The following STAU1 variants were observed in gnomAD, a reference collection of about 807,000 sequenced individuals.
STAU1 encodes the protein double-stranded RNA-binding protein Staufen homolog 1.
STAU1 carries 13 observed loss-of-function variants against 62.9 expected under a neutral mutation model. That is an observed-to-expected ratio of 0.21 (90% CI 0.13 to 0.33). The LOEUF is 0.33. Among genes scored for constraint, STAU1 ranks in the 10% least tolerant of loss-of-function variants. The pLI, the probability that STAU1 is intolerant of heterozygous loss-of-function variation, is 1.00. For synonymous variants in STAU1, 269 were observed against 265.1 expected (o/e 1.01, Z -0.14); for missense variants, 571 against 712.1 (o/e 0.80, Z 2.25).
At chr20:49,176,395 C>T (rs541610043) in intron 1 of STAU1, among the ~76,000 whole-genome samples, 2 of 152,056 alleles carry the variant, frequency 1.3e-5, no homozygotes, top group African/African-American at 4.8e-5. Flanking sequence ...TCAAATTCTG[C>T]GGTCTGATTT....
rs150575561 is a variant in STAU1 at position 49,123,877 on chromosome 20, C to T, written c.822+498G>A. Among the ~76,000 whole-genome samples the T allele has an allele frequency of 2.4e-3, 368 of 152,264 alleles. 3 individuals carry two copies. The highest frequency in any genetic ancestry group is 8.4e-3 in the African/African-American group (349 of 41,546). ...ACAAAGTTCCCCATGGAATTATGTC[C>T]CCTTTCTGGGGTTGGGGAAGGGGTC... On this transcript the variant is annotated intron_variant, in intron 7 of 13. Transcript: ENST00000371856.
chr20:49,127,698 T>A (rs960016575), intron 6 of STAU1, among the ~76,000 whole-genome samples: 1 of 150,028 alleles, frequency 6.7e-6, no homozygotes, highest in African/African-American at 2.5e-5. Context: ...AGAGCAAGAC[T>A]TTGTCTAAAA....
At chr20:49,145,152 G>A (rs550684828) in intron 5 of STAU1, among the ~76,000 whole-genome samples, 15 of 152,178 alleles carry the variant, frequency 9.9e-5, no homozygotes, top group Non-Finnish European at 2.1e-4. Flanking sequence ...CTGGCTGGGC[G>A]TGGTGGCTCA....
At chr20:49,209,768 G>A in the STAU1 span, among the ~76,000 whole-genome samples, 1 of 151,478 alleles carries the variant, frequency 6.6e-6, no homozygotes, top group African/African-American at 2.4e-5. Context: ...ATGATAATTG[G>A]CCAGGTGTGG....
chr20:49,130,788 A>G (rs2092731870), intron 6 of STAU1, among the ~76,000 whole-genome samples: 1 of 152,174 alleles, frequency 6.6e-6, no homozygotes. Flanking sequence ...CTGTAATCCC[A>G]GCACTCTGGG....
chr20:49,139,970 G>A lies in STAU1; in HGVS notation c.511-4039C>T, dbSNP rs2092971333. On this transcript the variant is annotated intron_variant, in intron 5 of 13. Coordinates refer to ENST00000371856, the MANE Select transcript of STAU1 (RefSeq NM_017453.4). ...GGAGGCCGAGGCAGGCGGATCACCT[G>A]AGGTCAGGAGTTCGAGACCAGCCTG... 2.6e-5 allele frequency among the ~76,000 whole-genome samples: 4 copies of A among 152,102 alleles called. No homozygotes were observed. The South Asian group carries it at 6.2e-4, about 24-fold the overall frequency.
chr20:49,174,946 A>AC (rs1406256651), intron 1 of STAU1, among the ~76,000 whole-genome samples: 1 of 150,648 alleles, frequency 6.6e-6, no homozygotes, highest in Non-Finnish European at 1.5e-5. Context: ...AAAAAAAAAA[A>AC]AAAAGAGATT....
chr20:49,204,642 A>ATTT, the STAU1 span, among the ~76,000 whole-genome samples: 1 of 50,576 alleles, frequency 2.0e-5, no homozygotes, highest in African/African-American at 8.7e-5. Flanking sequence ...ATATATATAT[A>ATTT]TATATTTTTT....
At position 49,115,825 on chromosome 20, in the gene STAU1, G is replaced by C. The variant is rs767952812; in HGVS notation, c.1675C>G (p.Gln559Glu). Reference protein sequence around the residue: ...ILKLLSELDQQSTEMPRTGNG... With the variant: ...ILKLLSELDQESTEMPRTGNG... ...CCTGTTCTTGGCATCTCTGTACTTT[G>C]TTGGTCCAACTCAGACAGCAACTTT... The change falls in exon 13 of 14, where the codon CAA becomes GAA. Residue 559 changes from glutamine to glutamate, a missense_variant. Around this residue, in one of 3 missense-constraint regions of STAU1, gnomAD observed 156 missense variants for 194.7 expected, o/e 0.80. Coordinates refer to ENST00000371856, the MANE Select transcript of STAU1 (RefSeq NM_017453.4). 2.5e-6 allele frequency: 4 copies of C among 1,614,070 alleles called. No individual in the cohort carries two copies. The highest frequency in any genetic ancestry group is 1.6e-4 in the Middle Eastern group (1 of 6,062).
At chr20:49,200,549 C>T in the STAU1 span, among the ~76,000 whole-genome samples, 5 of 151,344 alleles carry the variant, frequency 3.3e-5, no homozygotes, top group South Asian at 8.4e-4. Context: ...TGCAGTGAGC[C>T]GAGATCGCAC....
At chr20:49,171,127 A>ATTTCT (rs2093591698) in intron 2 of STAU1, among the ~76,000 whole-genome samples, 1 of 152,248 alleles carries the variant, frequency 6.6e-6, no homozygotes, top group African/African-American at 2.4e-5. Flanking sequence ...AATCACATGT[A>ATTTCT]AATCTATTAT....
At position 49,149,437 on chromosome 20, in the gene STAU1, ATTTTT is replaced by A. The variant is rs569951313; in HGVS notation, c.510+2140_510+2144del. Reference sequence around the variant, plus strand: ...AATCCCGGGGTTGGGCCTAGAATTTATTTTTTTAACTTCTCAAGTGATTGTGATGC... The same window carrying A: ...AATCCCGGGGTTGGGCCTAGAATTTATTAACTTCTCAAGTGATTGTGATGC... On this transcript the variant is annotated intron_variant, in intron 5 of 13. Transcript: ENST00000371856. Among the ~76,000 whole-genome samples the A allele has an allele frequency of 1.9e-3, 291 of 152,210 alleles. 1 individual carries two copies. Among genetic ancestry groups the A allele is most frequent in the African/African-American group, 6.8e-3 (283 of 41,528 alleles).
At chr20:49,148,160 C>T (rs1430859758) in intron 5 of STAU1, among the ~76,000 whole-genome samples, 1 of 152,192 alleles carries the variant, frequency 6.6e-6, no homozygotes, top group Non-Finnish European at 1.5e-5. Context: ...AAGTGTTTCA[C>T]TTATTGCAGG....
chr20:49,181,599 T>C (rs1305658458), intron 1 of STAU1, among the ~76,000 whole-genome samples: 1 of 151,896 alleles, frequency 6.6e-6, no homozygotes, highest in Admixed American at 6.6e-5. Flanking sequence ...ACCCCATCTC[T>C]GCTAAAAATA....
At chr20:49,207,170 G>C in the STAU1 span, among the ~76,000 whole-genome samples, 1 of 151,908 alleles carries the variant, frequency 6.6e-6, no homozygotes, top group African/African-American at 2.4e-5. Flanking sequence ...AGGCTGCAGC[G>C]AGCTATGATT....
intron 3 of STAU1, among the ~76,000 whole-genome samples, chr20:49,164,895 A>G (rs553311248): frequency 6.6e-6 from 1 of 152,336 alleles, no homozygotes; most frequent in South Asian, 2.1e-4. Flanking sequence ...TGTTCAAAAC[A>G]AAAATAAAAA....
In STAU1 at chr20:49,142,394, AAAT is replaced by A. The variant is rs1159466090; in HGVS notation, c.511-6466_511-6464del. The stretch of plus-strand genomic sequence containing the variant: ...TGAGCCACCGTGCCCAGCCAAAAAA[AAAT>A]TTTTTTAAATAACAATTTATACTAA... On this transcript the variant is annotated intron_variant, in intron 5 of 13. Coordinates refer to ENST00000371856, the MANE Select transcript of STAU1 (RefSeq NM_017453.4). 2.6e-5 allele frequency among the ~76,000 whole-genome samples: 4 copies of A among 152,284 alleles called. No individual in the cohort carries two copies. The East Asian group carries it at 7.7e-4, about 29-fold the overall frequency.
At chr20:49,138,630 T>C (rs2092941541) in intron 5 of STAU1, among the ~76,000 whole-genome samples, 1 of 152,138 alleles carries the variant, frequency 6.6e-6, no homozygotes, top group South Asian at 2.1e-4. Context: ...CCCTCCTGAG[T>C]AGCTGGGACT....
intron 1 of STAU1, among the ~76,000 whole-genome samples, chr20:49,181,843 T>C (rs1418685093): frequency 2.0e-5 from 3 of 148,832 alleles, no homozygotes; most frequent in Middle Eastern, 6.5e-3. Flanking sequence ...ATCATGTTCA[T>C]TCAGGGGAAA....
Sources: gnomAD v4.1 joint callset for allele counts (sites outside exome capture counted in the v4.1 genomes callset) on GRCh38, gnomAD v4.1.1 for gene constraint, gnomAD v4.1.1 regional missense constraint, MANE v1.5 for transcripts, NCBI Gene and HGNC (gene_info 2026-07-23, HGNC 2026-07-21) for gene names.